Variants in TENM2 observed in about 807,000 individuals in gnomAD.
TENM2 encodes teneurin transmembrane protein 2, also known as teneurin-2.
Under a neutral mutation model 245.2 loss-of-function variants are expected in TENM2, and 52 were observed. The ratio of observed to expected loss-of-function variants is 0.21; its 90% CI spans 0.17 to 0.27. The LOEUF is 0.27. TENM2 is among the 10% of genes least tolerant of loss of function. TENM2 has a pLI of 1.00. For synonymous variants in TENM2, 1,363 were observed against 1,438.9 expected, an observed-to-expected ratio of 0.95 and a Z score of 1.19; for missense variants, 3,046 against 3,666.8, an observed-to-expected ratio of 0.83 and a Z score of 4.37.
chr5:168,159,807 C>T (rs1315634210), intron 12 of TENM2, among the ~76,000 whole-genome samples: 2 of 152,146 alleles, frequency 1.3e-5, no homozygotes, highest in Admixed American at 6.5e-5. Context: ...CTGTTTATTT[C>T]ACTTCAGTTG....
At chr5:168,101,324 T>C (rs1322400271) in intron 9 of TENM2, among the ~76,000 whole-genome samples, 2 of 152,168 alleles carry the variant, frequency 1.3e-5, no homozygotes, top group Non-Finnish European at 2.9e-5. Flanking sequence ...TGTAAATGTA[T>C]ATTAACACTG....
intron 15 of TENM2, among the ~76,000 whole-genome samples, chr5:168,197,303 C>A (rs974753073): frequency 6.6e-6 from 1 of 152,116 alleles, no homozygotes; most frequent in Non-Finnish European, 1.5e-5. Context: ...ATGAAACCAG[C>A]GAGTCAAGTA....
At chr5:168,118,247 A>C (rs1380397718) in intron 9 of TENM2, 45 bp from the exon 12 acceptor site, 1 of 1,439,916 alleles carries the variant, frequency 6.9e-7, no homozygotes. Context: ...AGCCCCTCGG[A>C]TGCTGGCCCT....
the TENM2 span, among the ~76,000 whole-genome samples, chr5:167,264,363 C>T: frequency 4.6e-5 from 7 of 152,188 alleles, no homozygotes; most frequent in Non-Finnish European, 1.0e-4. Context: ...GTCCAGTCTT[C>T]AGCTTCTTAT....
chr5:168,095,014 C>A (rs1190213866), intron 8 of TENM2, among the ~76,000 whole-genome samples: 2 of 150,262 alleles, frequency 1.3e-5, no homozygotes, highest in African/African-American at 4.9e-5. Context: ...CTCCCATCAC[C>A]CCTAGATGGG....
intron 1 of TENM2, among the ~76,000 whole-genome samples, chr5:167,329,551 CAAAAAAAAAAAAAAAA>C (rs34165505): frequency 4.6e-5 from 1 of 21,936 alleles, no homozygotes; most frequent in Non-Finnish European, 7.8e-5. Context: ...GACTCAGTCT[CAAAAAAAAAAAAAAAA>C]AAAAAAAAAA....
In TENM2 at chr5:167,673,685, A is replaced by C. The variant is rs564423599; in HGVS notation, c.503-202301A>C. On this transcript the variant is annotated intron_variant, in intron 2 of 28. Transcript: ENST00000518659. The stretch of plus-strand genomic sequence containing the variant: ...CTGGTGGTCTCAGAAAAGGGGGTCA[A>C]GTTTAGAGACCCCAATTGAATCTAC... Among the ~76,000 whole-genome samples, 63 of 152,250 alleles carry C rather than the reference A, an allele frequency of 4.1e-4. 2 individuals are homozygous for C. In the South Asian group the frequency reaches 8.5e-3, roughly 21 times the overall value.
intron 2 of TENM2, among the ~76,000 whole-genome samples, chr5:167,614,943 A>C (rs763415016): frequency 9.9e-5 from 15 of 152,206 alleles, no homozygotes; most frequent in Middle Eastern, 3.4e-3. Flanking sequence ...CTTCATCGTC[A>C]CTGACGGCTC....
intron 2 of TENM2, among the ~76,000 whole-genome samples, chr5:167,800,008 T>A (rs1449012896): frequency 6.6e-6 from 1 of 152,176 alleles, no homozygotes; most frequent in Non-Finnish European, 1.5e-5. Context: ...TGACAATCAC[T>A]GATGGGCTTT....
At chr5:168,104,791 A>G (rs1368971794) in intron 9 of TENM2, among the ~76,000 whole-genome samples, 2 of 152,186 alleles carry the variant, frequency 1.3e-5, no homozygotes, top group Non-Finnish European at 2.9e-5. Flanking sequence ...CAATGGCAAA[A>G]TGAAACTGAC....
the TENM2 span, among the ~76,000 whole-genome samples, chr5:167,145,699 G>C: frequency 6.6e-6 from 1 of 152,132 alleles, no homozygotes; most frequent in Non-Finnish European, 1.5e-5. Context: ...AATGATTTTT[G>C]ACAGATCCTT....
chr5:167,087,808 A>T, the TENM2 span, among the ~76,000 whole-genome samples: 126 of 148,010 alleles, frequency 8.5e-4, 3 homozygotes, highest in South Asian at 3.4e-3. Context: ...TTTTTTTTTT[A>T]AAACAGAGTC....
At chr5:167,800,538 A>G (rs533199214) in intron 2 of TENM2, among the ~76,000 whole-genome samples, 1 of 152,234 alleles carries the variant, frequency 6.6e-6, no homozygotes, top group East Asian at 1.9e-4. Flanking sequence ...TTGTGAAAAT[A>G]TTTTCAGCAG....
chr5:168,103,965 C>T (rs909458108), intron 9 of TENM2, among the ~76,000 whole-genome samples: 5 of 152,162 alleles, frequency 3.3e-5, no homozygotes, highest in Middle Eastern at 3.2e-3. Flanking sequence ...CCCCATCTCC[C>T]GGCTGTGGGC....
chr5:168,059,412 A>G (rs1446378512), intron 6 of TENM2, among the ~76,000 whole-genome samples: 1 of 152,202 alleles, frequency 6.6e-6, no homozygotes, highest in Non-Finnish European at 1.5e-5. Flanking sequence ...CCCAACAGAC[A>G]TAAAGGAAAG....
the TENM2 span, among the ~76,000 whole-genome samples, chr5:167,131,881 G>T: frequency 6.6e-6 from 1 of 152,094 alleles, no homozygotes; most frequent in Non-Finnish European, 1.5e-5. Flanking sequence ...GGAGTGCAAT[G>T]GTGCGATCTC....
the TENM2 span, among the ~76,000 whole-genome samples, chr5:167,146,691 G>A: frequency 2.6e-5 from 4 of 152,072 alleles, no homozygotes; most frequent in Admixed American, 6.6e-5. Context: ...ATCCCATTCC[G>A]GGGAAGTAAC....
the TENM2 span, among the ~76,000 whole-genome samples, chr5:167,090,728 C>G: frequency 5.1e-3 from 771 of 152,274 alleles, 7 homozygotes; most frequent in African/African-American, 0.017. Context: ...TCACAAGGGA[C>G]ATCAATGCAA....
the TENM2 span, among the ~76,000 whole-genome samples, chr5:167,142,555 A>AAT: frequency 6.6e-6 from 1 of 151,536 alleles, no homozygotes; most frequent in Non-Finnish European, 1.5e-5. Context: ...ATGCAATCTC[A>AAT]ATATATATAT....
Sources: allele counts gnomAD v4.1 joint callset (sites outside exome capture counted in the v4.1 genomes callset), GRCh38; gene constraint gnomAD v4.1.1; transcripts MANE v1.5; gene names NCBI Gene and HGNC (gene_info 2026-07-23, HGNC 2026-07-21).